Variants in TUB observed in about 807,000 individuals in gnomAD.
TUB encodes the protein TUB bipartite transcription factor.
A neutral mutation model predicts 59.7 loss-of-function variants in TUB; 33 were observed. The observed-to-expected ratio is 0.55, with a 90% CI of 0.42 to 0.74. The LOEUF (loss-of-function observed/expected upper bound fraction) is 0.74, where lower values mean the gene tolerates loss of function less well. TUB is among the 30% of genes least tolerant of loss of function. The pLI is 0.00. For synonymous variants in TUB, 293 were observed against 256.4 expected, an observed-to-expected ratio of 1.14 and a Z score of -1.36; for missense variants, 659 against 672.0, an observed-to-expected ratio of 0.98 and a Z score of 0.21.
rs761601861 is a variant in TUB at position 8,100,581 on chromosome 11, GTC to G, written c.1199_1200del (p.Ser400TyrfsTer8). On this transcript the variant is annotated frameshift_variant, in exon 10 of 12. Coordinates refer to ENST00000299506, the MANE Select transcript of TUB (RefSeq NM_177972.3). LOFTEE classifies it high-confidence loss of function. ...VPGMNMVHER[V>X]SIRPRNEHET... ...AGGCATGAACATGGTTCATGAGAGA[GTC>G]TCTATCCGCCCCCGCAACGTGAGTG... is the stretch of plus-strand genomic sequence containing the variant. 1.2e-6 allele frequency: 2 copies of G among 1,614,118 alleles called. No homozygotes were observed. Among genetic ancestry groups the G allele is most frequent in the African/African-American group, 1.3e-5 (1 of 75,042 alleles).
intron 1 of TUB, among the ~76,000 whole-genome samples, chr11:8,084,196 A>C (rs1439309148): frequency 1.3e-5 from 2 of 152,128 alleles, no homozygotes; most frequent in African/African-American, 4.8e-5. Context: ...CTCCCTCTCT[A>C]ATGGTTACAC....
intron 2 of TUB, among the ~76,000 whole-genome samples, chr11:8,065,383 A>C (rs752119132): frequency 3.3e-5 from 5 of 152,182 alleles, no homozygotes; most frequent in Non-Finnish European, 7.3e-5. Flanking sequence ...AATGGGAGTG[A>C]CACAGAGTTA....
intron 1 of TUB, among the ~76,000 whole-genome samples, chr11:8,087,812 G>C (rs1943696454): frequency 6.6e-6 from 1 of 152,242 alleles, no homozygotes; most frequent in African/African-American, 2.4e-5. Context: ...AGGGCCCTCA[G>C]GCATTTTGCG....
At chr11:8,101,065 C>T in intron 11 of TUB, 68 bp downstream of exon 11, 1 of 1,562,540 alleles carries the variant, frequency 6.4e-7, no homozygotes. Context: ...AGGGTTCAGC[C>T]CACCTAGCCC....
intron 2 of TUB, among the ~76,000 whole-genome samples, chr11:8,066,717 G>A (rs1943249844): frequency 6.6e-6 from 1 of 152,214 alleles, no homozygotes; most frequent in Non-Finnish European, 1.5e-5. Context: ...CCTCTTCAGA[G>A]CTCACGTCTA....
In TUB at chr11:8,103,249, G is replaced by A. The variant is rs1416902318; in HGVS notation, c.*1630G>A. On this transcript the variant is annotated 3_prime_UTR_variant, in exon 12 of 12. Coordinates refer to ENST00000299506, the MANE Select transcript of TUB (RefSeq NM_177972.3). ...TGGCACCATCCACCCTGCAGGCTTGGGAACTGTAAGCTCAAGCTTTTGCTC... is the reference window on the plus strand; with the variant it reads ...TGGCACCATCCACCCTGCAGGCTTGAGAACTGTAAGCTCAAGCTTTTGCTC... The A allele has an allele frequency of 1.3e-5, 2 of 152,200 alleles. No individual in the cohort carries two copies. Among genetic ancestry groups the A allele is most frequent in the African/African-American group, 4.8e-5 (2 of 41,444 alleles). The allele number at this position is 152,200 out of a possible 1,614,324, so 9.4% of individuals were successfully genotyped here. A position where few individuals can be genotyped will look rare whatever the true frequency, so the allele number is the denominator to read the frequency against.
intron 3 of TUB, among the ~76,000 whole-genome samples, chr11:8,091,582 T>C (rs1479480847): frequency 6.6e-6 from 1 of 152,168 alleles, no homozygotes; most frequent in Non-Finnish European, 1.5e-5. Context: ...CCAAATGGTC[T>C]CTCCTCCATA....
chr11:8,049,118 C>T (rs1178968513), intron 2 of TUB, among the ~76,000 whole-genome samples: 1 of 152,198 alleles, frequency 6.6e-6, no homozygotes, highest in African/African-American at 2.4e-5. Context: ...CTTCTGTAGT[C>T]GGCCCAAAGC....
At chr11:8,019,940 C>A (rs542232907) in intron 1 of TUB, among the ~76,000 whole-genome samples, 2 of 152,128 alleles carry the variant, frequency 1.3e-5, no homozygotes, top group African/African-American at 4.8e-5. Flanking sequence ...TGCCAGGCTC[C>A]GCGCCCGCCC....
At chr11:8,024,406 C>T (rs1942472920) in intron 1 of TUB, among the ~76,000 whole-genome samples, 1 of 152,132 alleles carries the variant, frequency 6.6e-6, no homozygotes, top group African/African-American at 2.4e-5. Flanking sequence ...AACTTCACTC[C>T]CATTGCCCAC....
intron 1 of TUB, among the ~76,000 whole-genome samples, chr11:8,025,543 C>A (rs1037881218): frequency 6.6e-6 from 1 of 152,186 alleles, no homozygotes; most frequent in Non-Finnish European, 1.5e-5. Context: ...TGATCTGATT[C>A]GTTTCCTAGA....
intron 2 of TUB, among the ~76,000 whole-genome samples, chr11:8,074,810 A>G (rs540392499): frequency 1.9e-4 from 25 of 130,118 alleles, no homozygotes; most frequent in African/African-American, 7.1e-4. Context: ...GCAGTGGCAC[A>G]ATCTTGGCTC....
At position 8,082,912 on chromosome 11, in the gene TUB, G is replaced by C. The variant is rs140067620; in HGVS notation, c.38+1364G>C. On this transcript the variant is annotated intron_variant, in intron 1 of 11. Transcript: ENST00000299506. ...ACAACCACCAGCAACACCCTCACACGTGCGCACATACAGGTCACCCACAGG... is the reference window on the plus strand; with the variant it reads ...ACAACCACCAGCAACACCCTCACACCTGCGCACATACAGGTCACCCACAGG... Among the ~76,000 whole-genome samples the C allele has an allele frequency of 1.2e-3, 190 of 152,234 alleles. 1 individual carries two copies. Among genetic ancestry groups the C allele is most frequent in the Non-Finnish European group, 1.8e-3 (122 of 68,014 alleles).
At chr11:8,045,501 GACAA>G (rs1942817569) in intron 2 of TUB, among the ~76,000 whole-genome samples, 1 of 152,112 alleles carries the variant, frequency 6.6e-6, no homozygotes, top group African/African-American at 2.4e-5. Context: ...GCTTTGTTCT[GACAA>G]ACAATTAAGT....
At chr11:8,028,581 T>C (rs1942531287) in intron 1 of TUB, among the ~76,000 whole-genome samples, 1 of 152,244 alleles carries the variant, frequency 6.6e-6, no homozygotes, top group South Asian at 2.1e-4. Context: ...CAGTGATCCA[T>C]TTTGAGTTAA....
At chr11:8,043,784 A>G (rs986651293) in intron 2 of TUB, among the ~76,000 whole-genome samples, 2 of 152,140 alleles carry the variant, frequency 1.3e-5, no homozygotes, top group South Asian at 2.1e-4. Flanking sequence ...GAACTTGTTT[A>G]TTAGTTACAA....
At chr11:8,073,916 GTA>G (rs56293339) in intron 2 of TUB, among the ~76,000 whole-genome samples, 95,114 of 151,874 alleles carry the variant, frequency 0.63, 30,502 homozygotes, top group African/African-American at 0.78. Context: ...GAGCAGAACC[GTA>G]GTTCAGCATC....
Position 8,104,598 on chromosome 11 carries a change from G to C in TUB, c.*2979G>C, listed in dbSNP as rs1944455719. ...CCATTCATCTCATGCTCTCTGAACAGAAGGTATACCTGGGAAGATACCAGC... is the reference window on the plus strand; with the variant it reads ...CCATTCATCTCATGCTCTCTGAACACAAGGTATACCTGGGAAGATACCAGC... On this transcript the variant is annotated 3_prime_UTR_variant, in exon 12 of 12. Transcript: ENST00000299506. 1 of 152,204 alleles carries C rather than the reference G, an allele frequency of 6.6e-6. No homozygotes were observed. Among genetic ancestry groups the C allele is most frequent in the South Asian group, 2.1e-4 (1 of 4,830 alleles). 9.4% of individuals were successfully genotyped at this position (152,204 alleles called of 1,614,324 possible).
chr11:8,071,254 A>G (rs1943355351), intron 2 of TUB, among the ~76,000 whole-genome samples: 1 of 152,078 alleles, frequency 6.6e-6, no homozygotes, highest in Admixed American at 6.5e-5. Context: ...TCATAGGGGT[A>G]GGTCTAGCCT....
Sources: allele counts gnomAD v4.1 joint callset (sites outside exome capture counted in the v4.1 genomes callset), GRCh38; gene constraint gnomAD v4.1.1; transcripts MANE v1.5; gene names NCBI Gene and HGNC (gene_info 2026-07-23, HGNC 2026-07-21).